Variants in PLXDC1 observed in about 807,000 individuals in gnomAD.
PLXDC1 encodes the protein plexin domain containing 1.
Under a neutral mutation model 61.3 loss-of-function variants are expected in PLXDC1, and 39 were observed. The observed-to-expected ratio is 0.64, with a 90% CI of 0.49 to 0.83. The LOEUF is 0.83. Among genes scored for constraint, PLXDC1 ranks in the 40% least tolerant of loss-of-function variants. The probability of loss-of-function intolerance (pLI) is 0.00; values close to 1 mark genes in which losing one functional copy is unlikely to be tolerated. For missense variants in PLXDC1, 596 were observed against 666.5 expected (o/e 0.89, Z 1.17); for synonymous variants, 212 against 254.5 (o/e 0.83, Z 1.59).
At chr17:39,097,184 G>A (rs1910241486) in intron 7 of PLXDC1, among the ~76,000 whole-genome samples, 1 of 152,132 alleles carries the variant, frequency 6.6e-6, no homozygotes, top group Non-Finnish European at 1.5e-5. Context: ...TTCCTAAATA[G>A]TGAGGAATCA....
chr17:39,141,563 G>A (rs191904879), intron 1 of PLXDC1, among the ~76,000 whole-genome samples: 10 of 152,248 alleles, frequency 6.6e-5, no homozygotes, highest in East Asian at 1.9e-4. Context: ...TTGCTTCCAC[G>A]TTTTAGCTAT....
intron 7 of PLXDC1, among the ~76,000 whole-genome samples, chr17:39,089,633 G>A (rs1218319262): frequency 3.3e-5 from 5 of 152,102 alleles, no homozygotes; most frequent in African/African-American, 7.2e-5. Flanking sequence ...TTTCTCGCTC[G>A]GCTGAAGGTG....
chr17:39,145,585 C>T (rs890347347), intron 1 of PLXDC1, among the ~76,000 whole-genome samples: 25 of 152,216 alleles, frequency 1.6e-4, no homozygotes, highest in African/African-American at 4.6e-4. Context: ...CTCACCTGTC[C>T]CTGGCTCATC....
At chr17:39,126,659 T>C (rs1357308434) in intron 2 of PLXDC1, among the ~76,000 whole-genome samples, 6 of 152,180 alleles carry the variant, frequency 3.9e-5, no homozygotes, top group African/African-American at 1.4e-4. Context: ...TCAGAGCCCA[T>C]TCTATCACAG....
intron 2 of PLXDC1, among the ~76,000 whole-genome samples, chr17:39,120,606 G>T (rs1597652594): frequency 2.3e-5 from 3 of 132,744 alleles, no homozygotes; most frequent in Non-Finnish European, 3.1e-5. Flanking sequence ...TTTATTTTAG[G>T]TTTTTTTTTT....
chr17:39,133,926 T>C (rs1422836484), intron 2 of PLXDC1, among the ~76,000 whole-genome samples: 1 of 148,846 alleles, frequency 6.7e-6, no homozygotes, highest in Non-Finnish European at 1.5e-5. Flanking sequence ...TGTGACTGGC[T>C]GATACACATA....
intron 2 of PLXDC1, among the ~76,000 whole-genome samples, chr17:39,109,929 G>A (rs534621720): frequency 6.6e-6 from 1 of 152,194 alleles, no homozygotes; most frequent in African/African-American, 2.4e-5. Flanking sequence ...GATCACGGGA[G>A]GTCAGGAGTT....
rs1020456016 is a variant in PLXDC1, at chr17:39,063,908, C to A, written c.*3932G>T. The A allele has an allele frequency of 3.0e-5, 5 of 168,176 alleles. No homozygotes were observed. Among genetic ancestry groups the A allele is most frequent in the South Asian group, 1.6e-4 (1 of 6,304 alleles). The allele number at this position is 168,176 out of a possible 1,614,324, so 10.4% of individuals were successfully genotyped here. A position where few individuals can be genotyped will look rare whatever the true frequency, so the allele number is the denominator to read the frequency against. On this transcript the variant is annotated 3_prime_UTR_variant, in exon 14 of 14. Coordinates refer to ENST00000315392, the MANE Select transcript of PLXDC1 (RefSeq NM_020405.5). ...GGAACTAGAGGAGAGAGAGCCTTAG[C>A]CTTGCCTGCAACCAGATGAATGGTT...
chr17:39,063,552 T>A lies in PLXDC1; in HGVS notation c.*4288A>T, dbSNP rs1270907872. The A allele has an allele frequency of 1.4e-6, 1 of 697,314 alleles. No individual in the cohort carries two copies. The highest frequency in any genetic ancestry group is 2.7e-5 in the East Asian group (1 of 37,256). The allele number at this position is 697,314 out of a possible 1,614,324, so 43.2% of individuals were successfully genotyped here. A position where few individuals can be genotyped will look rare whatever the true frequency, so the allele number is the denominator to read the frequency against. ...CAGCAGCCATCAGAACCAAGGTATG[T>A]GTGGTGATCTTCGGAATGCCACTCC... On this transcript the variant is annotated 3_prime_UTR_variant, in exon 14 of 14. Coordinates refer to ENST00000315392, the MANE Select transcript of PLXDC1 (RefSeq NM_020405.5).
At position 39,065,366 on chromosome 17, in the gene PLXDC1, C is replaced by T. The variant is rs1019477727; in HGVS notation, c.*2474G>A. Reference sequence around the variant, plus strand: ...GAGTTAATGATTGTCTACAGGATCCCTGACAATGTAAGCATTTCTTTTTCC... The same window carrying T: ...GAGTTAATGATTGTCTACAGGATCCTTGACAATGTAAGCATTTCTTTTTCC... On this transcript the variant is annotated 3_prime_UTR_variant, in exon 14 of 14. Transcript: ENST00000315392. 6.6e-6 allele frequency: 1 copy of T among 151,602 alleles called. No homozygotes were observed. The highest frequency in any genetic ancestry group is 6.6e-5 in the Admixed American group (1 of 15,168). The allele number at this position is 151,602 out of a possible 1,614,324, so 9.4% of individuals were successfully genotyped here. A position where few individuals can be genotyped will look rare whatever the true frequency, so the allele number is the denominator to read the frequency against.
At chr17:39,149,482 G>A (rs1419575628) in intron 1 of PLXDC1, among the ~76,000 whole-genome samples, 2 of 152,164 alleles carry the variant, frequency 1.3e-5, no homozygotes, top group Non-Finnish European at 2.9e-5. Flanking sequence ...CACCGGACTG[G>A]GAGTCAACAG....
At chr17:39,147,864 A>G (rs982356858) in intron 1 of PLXDC1, among the ~76,000 whole-genome samples, 2 of 152,282 alleles carry the variant, frequency 1.3e-5, no homozygotes, top group South Asian at 4.1e-4. Flanking sequence ...CCCTGTACCC[A>G]GGAAGAGTCT....
At position 39,078,037 on chromosome 17, in the gene PLXDC1, C is replaced by T. The variant is rs140461054; in HGVS notation, c.1062G>A (p.Arg354=). ...CCTCATCCTGGAAGTCCTCGCACATCCTGCCCTCTGCCTGCAGGAGAGAGC... is the reference window on the plus strand; with the variant it reads ...CCTCATCCTGGAAGTCCTCGCACATTCTGCCCTCTGCCTGCAGGAGAGAGC... ...DYGCAQEAEG[R]MCEDFQDEDH... Residue 354 remains arginine, a synonymous_variant, in exon 11 of 14, where the codon AGG becomes AGA. Coordinates refer to ENST00000315392, the MANE Select transcript of PLXDC1 (RefSeq NM_020405.5). 27 of 1,607,750 alleles carry T rather than the reference C, an allele frequency of 1.7e-5. No homozygotes were observed. In the South Asian group the frequency reaches 2.9e-4, roughly 17 times the overall value.
chr17:39,082,424 G>T (rs1909595138), intron 9 of PLXDC1, among the ~76,000 whole-genome samples: 1 of 152,136 alleles, frequency 6.6e-6, no homozygotes, highest in Non-Finnish European at 1.5e-5. Flanking sequence ...AATTAGCTGG[G>T]TGTGGTGGTG....
chr17:39,076,619 T>C (rs1269627260), intron 11 of PLXDC1, among the ~76,000 whole-genome samples: 2 of 152,158 alleles, frequency 1.3e-5, no homozygotes, highest in African/African-American at 2.4e-5. Flanking sequence ...CTTGCCATTA[T>C]TCCTTTCAAG....
chr17:39,104,411 C>T (rs1910525486), intron 7 of PLXDC1, among the ~76,000 whole-genome samples: 1 of 151,932 alleles, frequency 6.6e-6, no homozygotes, highest in Non-Finnish European at 1.5e-5. Context: ...TTAACTAAGC[C>T]CTGGTCCTTT....
At chr17:39,152,362 G>T, upstream of PLXDC1, 1 of 488,952 alleles carries the variant, frequency 2.0e-6, no homozygotes, top group Non-Finnish European at 3.2e-6. Flanking sequence ...AATCTTCAGA[G>T]CCAGCCCCAG....
At chr17:39,124,703 A>G (rs1230627897) in intron 2 of PLXDC1, among the ~76,000 whole-genome samples, 2 of 152,364 alleles carry the variant, frequency 1.3e-5, no homozygotes, top group East Asian at 1.9e-4. Flanking sequence ...TGTGATCCTG[A>G]ATAGGCAACT....
chr17:39,107,326 G>T, intron 6 of PLXDC1, 81 bp downstream of exon 6: 1 of 835,784 alleles, frequency 1.2e-6, no homozygotes, highest in Non-Finnish European at 1.9e-6. Context: ...CCCATGCCTG[G>T]CACATTGCAA....
Sources: gnomAD v4.1 joint callset for allele counts (sites outside exome capture counted in the v4.1 genomes callset) on GRCh38, gnomAD v4.1.1 for gene constraint, MANE v1.5 for transcripts, NCBI Gene and HGNC (gene_info 2026-07-23, HGNC 2026-07-21) for gene names.